The following MARCHF1 variants were observed in gnomAD, a reference collection of about 807,000 sequenced individuals.
MARCHF1 encodes membrane associated ring-CH-type finger 1.
Under a neutral mutation model 54.2 loss-of-function variants are expected in MARCHF1, and 40 were observed. The ratio of observed to expected loss-of-function variants is 0.74; its 90% CI spans 0.57 to 0.96. MARCHF1 has a LOEUF of 0.96. Among genes scored for constraint, MARCHF1 ranks in the 40% least tolerant of loss-of-function variants. MARCHF1 has a pLI of 0.00. For synonymous variants in MARCHF1, 236 were observed against 236.3 expected, an observed-to-expected ratio of 1.00 and a Z score of 0.01; for missense variants, 586 against 656.5, an observed-to-expected ratio of 0.89 and a Z score of 1.17.
At chr4:163,885,318 T>C (rs1750501866) in intron 3 of MARCHF1, among the ~76,000 whole-genome samples, 1 of 152,176 alleles carries the variant, frequency 6.6e-6, no homozygotes, top group African/African-American at 2.4e-5. Context: ...TAAGATTTAA[T>C]GTAGTTTAAT....
intron 3 of MARCHF1, among the ~76,000 whole-genome samples, chr4:163,918,761 A>ATAT (rs1560819176): frequency 6.6e-6 from 1 of 151,692 alleles, no homozygotes; most frequent in African/African-American, 2.4e-5. Context: ...GCATTAACTG[A>ATAT]TAATTGGTAG....
intron 4 of MARCHF1, among the ~76,000 whole-genome samples, chr4:163,757,715 G>C (rs1259470517): frequency 2.0e-5 from 3 of 152,108 alleles, no homozygotes; most frequent in African/African-American, 4.8e-5. Context: ...ATGAATTTAA[G>C]GGTTCTGTTG....
At chr4:163,959,219 A>C (rs374155664) in intron 3 of MARCHF1, among the ~76,000 whole-genome samples, 1 of 151,946 alleles carries the variant, frequency 6.6e-6, no homozygotes, top group African/African-American at 2.4e-5. Context: ...AATTCAGAGT[A>C]GTTCATTAAG....
In MARCHF1 at chr4:164,172,980, C is replaced by CAAAA. The variant is rs35995273; in HGVS notation, c.-322-61322_-322-61319dup. 1.3e-4 allele frequency among the ~76,000 whole-genome samples: 16 copies of CAAAA among 127,778 alleles called. 1 individual carries two copies. The highest frequency in any genetic ancestry group is 3.8e-4 in the African/African-American group (12 of 31,698). The allele number at this position is 127,778 out of a possible 152,430, so 83.8% of individuals were successfully genotyped here. On this transcript the variant is annotated intron_variant, in intron 1 of 9. Transcript: ENST00000514618. ...TGGGCTACAGAGCGAGACTCCGTCTCAAAAAAAAAAAAAAAAGTCACTGTA... is the reference window on the plus strand; with the variant it reads ...TGGGCTACAGAGCGAGACTCCGTCTCAAAAAAAAAAAAAAAAAAAAGTCACTGTA...
intron 4 of MARCHF1, among the ~76,000 whole-genome samples, chr4:163,808,812 A>G (rs1294497521): frequency 6.6e-6 from 1 of 151,886 alleles, no homozygotes; most frequent in Non-Finnish European, 1.5e-5. Context: ...CAAGTGATCC[A>G]CTCACCTCGG....
intron 1 of MARCHF1, among the ~76,000 whole-genome samples, chr4:164,173,410 A>G (rs1579594099): frequency 1.3e-5 from 2 of 152,358 alleles, no homozygotes; most frequent in East Asian, 3.9e-4. Context: ...TGTCATAAGT[A>G]CAGATTACTT....
At chr4:164,122,984 T>C (rs1030720595) in intron 1 of MARCHF1, among the ~76,000 whole-genome samples, 8 of 151,904 alleles carry the variant, frequency 5.3e-5, no homozygotes, top group Non-Finnish European at 1.0e-4. Context: ...AAGAAAGAAA[T>C]AAAGGGCATC....
At chr4:163,665,989 T>C (rs879274174) in intron 5 of MARCHF1, among the ~76,000 whole-genome samples, 2 of 152,140 alleles carry the variant, frequency 1.3e-5, no homozygotes, top group Non-Finnish European at 2.9e-5. Context: ...TCAATGTTCA[T>C]GCCACATGCA....
intron 1 of MARCHF1, among the ~76,000 whole-genome samples, chr4:164,332,293 C>T (rs181518624): frequency 1.3e-5 from 2 of 152,252 alleles, no homozygotes; most frequent in East Asian, 3.9e-4. Flanking sequence ...CCTGCCAGAG[C>T]CTGTTATTAA....
intron 1 of MARCHF1, among the ~76,000 whole-genome samples, chr4:164,130,549 A>G (rs979087228): frequency 9.2e-5 from 14 of 152,160 alleles, no homozygotes; most frequent in African/African-American, 3.1e-4. Flanking sequence ...TAAAATACCA[A>G]TTTCCCTAAG....
At chr4:163,532,855 A>G (rs753200157) in intron 9 of MARCHF1, among the ~76,000 whole-genome samples, 16 of 151,980 alleles carry the variant, frequency 1.1e-4, no homozygotes, top group Non-Finnish European at 1.9e-4. Flanking sequence ...AAGAACACTG[A>G]AAACACTGAA....
intron 8 of MARCHF1, among the ~76,000 whole-genome samples, chr4:163,575,089 C>T (rs561955865): frequency 1.3e-5 from 2 of 152,042 alleles, no homozygotes; most frequent in South Asian, 2.1e-4. Context: ...GAGTAAGCAT[C>T]CTTTTCTTGC....
At chr4:163,604,227 C>T (rs1373546527) in intron 7 of MARCHF1, among the ~76,000 whole-genome samples, 1 of 152,050 alleles carries the variant, frequency 6.6e-6, no homozygotes, top group East Asian at 1.9e-4. Context: ...TATCTCCCTC[C>T]CAAATATCTC....
chr4:164,185,811 A>ACACAC (rs1560944263), intron 1 of MARCHF1, among the ~76,000 whole-genome samples: 11 of 22,690 alleles, frequency 4.8e-4, no homozygotes, highest in African/African-American at 1.1e-3. Flanking sequence ...CACACACACA[A>ACACAC]AAAAAAAAAC....
rs914712793 is a variant in MARCHF1 at position 164,193,142 on chromosome 4, T to A, written c.-322-81480A>T. On this transcript the variant is annotated intron_variant, in intron 1 of 9. Coordinates refer to ENST00000514618, the MANE Select transcript of MARCHF1 (RefSeq NM_001394959.1). The stretch of plus-strand genomic sequence containing the variant: ...CTCTGAAGGACCTCTAGCTTCATTA[T>A]TATCCAATTTTCACACTAAATGACA... Among the ~76,000 whole-genome samples, 7 of 152,116 alleles carry A rather than the reference T, an allele frequency of 4.6e-5. No homozygotes were observed. In the South Asian group the frequency reaches 1.4e-3, roughly 31 times the overall value.
chr4:164,122,787 G>A (rs976437717), intron 1 of MARCHF1, among the ~76,000 whole-genome samples: 4 of 151,960 alleles, frequency 2.6e-5, no homozygotes, highest in Non-Finnish European at 1.5e-5. Context: ...ATATACCCCA[G>A]ACAACATAGC....
intron 5 of MARCHF1, among the ~76,000 whole-genome samples, chr4:163,664,043 T>A (rs1434990833): frequency 3.3e-5 from 5 of 151,734 alleles, no homozygotes; most frequent in Admixed American, 2.6e-4. Context: ...CACTGAAAAA[T>A]AAACCGAGTA....
intron 1 of MARCHF1, among the ~76,000 whole-genome samples, chr4:164,332,840 G>A (rs1729595572): frequency 6.6e-6 from 1 of 152,058 alleles, no homozygotes; most frequent in Non-Finnish European, 1.5e-5. Flanking sequence ...AGATGTTTAT[G>A]TTATATAAGC....
intron 8 of MARCHF1, chr4:163,583,666 T>TTTTTTTTTGG (rs1740310671): frequency 2.1e-5 from 3 of 139,818 alleles, no homozygotes; most frequent in Non-Finnish European, 3.1e-5. Context: ...TTTTTTTTTT[T>TTTTTTTTTGG]GGAGACAAAG....
Sources: gnomAD v4.1 joint callset for allele counts (sites outside exome capture counted in the v4.1 genomes callset) on GRCh38, gnomAD v4.1.1 for gene constraint, MANE v1.5 for transcripts, NCBI Gene and HGNC (gene_info 2026-07-23, HGNC 2026-07-21) for gene names.